MICAL2: variants seen among roughly 807,000 people sequenced by gnomAD.
MICAL2 encodes microtubule associated monooxygenase, calponin and LIM domain containing 2, also known as [F-actin]-monooxygenase MICAL2.
In MICAL2, 77 loss-of-function variants were observed where a neutral mutation model predicts 127.3. The observed-to-expected ratio is 0.60, with a 90% CI of 0.50 to 0.73. MICAL2 has a LOEUF of 0.73. MICAL2 is among the 30% of genes least tolerant of loss of function. MICAL2 has a pLI of 0.00. For missense variants in MICAL2, 1,351 were observed against 1,434.4 expected (o/e 0.94, Z 0.94); for synonymous variants, 570 against 551.1 (o/e 1.03, Z -0.48).
At chr11:12,320,818 GAAGA>G (rs1246533117) in intron 30 of MICAL2, among the ~76,000 whole-genome samples, 1 of 151,992 alleles carries the variant, frequency 6.6e-6, no homozygotes, top group Non-Finnish European at 1.5e-5. Flanking sequence ...GAGGAGAGAG[GAAGA>G]AAGAGGGAGG....
chr11:12,332,763 G>A (rs1051307408), intron 32 of MICAL2, among the ~76,000 whole-genome samples: 1 of 152,158 alleles, frequency 6.6e-6, no homozygotes, highest in Non-Finnish European at 1.5e-5. Flanking sequence ...AGCAGTAAAT[G>A]AGCCAATTCC....
Position 12,260,033 on chromosome 11 carries a change from T to C in MICAL2, c.3334+136T>C, listed in dbSNP as rs560031188. The C allele has an allele frequency of 3.2e-6, 5 of 1,544,836 alleles. No individual in the cohort carries two copies. The African/African-American group carries it at 6.8e-5, about 21-fold the overall frequency. ...GACAATGCTTACAACTACTGCTACATGTACGAGCTCCTGAGCCTGGGGCTG... is the reference window on the plus strand; with the variant it reads ...GACAATGCTTACAACTACTGCTACACGTACGAGCTCCTGAGCCTGGGGCTG... On this transcript the variant is annotated intron_variant, in intron 26 of 27. Transcript: ENST00000683283.
intron 3 of MICAL2, among the ~76,000 whole-genome samples, chr11:12,171,821 A>G (rs1424280853): frequency 6.6e-6 from 1 of 152,220 alleles, no homozygotes; most frequent in Admixed American, 6.5e-5. Flanking sequence ...ATAATGTTAA[A>G]CTTTCTATTA....
intron 5 of MICAL2, among the ~76,000 whole-genome samples, chr11:12,208,906 A>G (rs1855074087): frequency 6.6e-6 from 1 of 152,186 alleles, no homozygotes; most frequent in Non-Finnish European, 1.5e-5. Flanking sequence ...GGGAGGCTTT[A>G]GTTAGCTTTT....
At position 12,220,209 on chromosome 11, in the gene MICAL2, C is replaced by T. The variant is rs551175982; in HGVS notation, c.957C>T (p.Ile319=). ...GTTTTCATCTTCCCCAGGACTACAT[C>T]GACACAGAGATGCTGCTGTGTGCGG... The part of the protein sequence containing the change: ...LDKGVIINDY[I]DTEMLLCAEN... The change falls in exon 9 of 28, where the codon ATC becomes ATT. Residue 319 remains isoleucine, a synonymous_variant. Coordinates refer to ENST00000683283, the MANE Select transcript of MICAL2 (RefSeq NM_001282663.2). 1.5e-5 allele frequency: 24 copies of T among 1,614,024 alleles called. No homozygotes were observed. The highest frequency in any genetic ancestry group is 6.6e-5 in the South Asian group (6 of 91,082).
Position 12,131,299 on chromosome 11 carries a change from CAAAAAAAAAAA to C in MICAL2, c.-148-7076_-148-7066del, listed in dbSNP as rs60340716. ...TGGGCGACAGAGCGAGACTCCGTCT[CAAAAAAAAAAA>C]AAAAAAAAAAAAAAGATCCCAGTAG... On this transcript the variant is annotated intron_variant, in intron 1 of 27. Transcript: ENST00000683283. 4.4e-3 allele frequency among the ~76,000 whole-genome samples: 61 copies of C among 13,712 alleles called. 12 individuals carry two copies. Among genetic ancestry groups the C allele is most frequent in the African/African-American group, 9.3e-3 (58 of 6,270 alleles). The allele number at this position is 13,712 out of a possible 152,430, so 9.0% of individuals were successfully genotyped here.
intron 3 of MICAL2, among the ~76,000 whole-genome samples, chr11:12,176,291 A>G (rs1856832245): frequency 6.6e-6 from 1 of 152,160 alleles, no homozygotes; most frequent in South Asian, 2.1e-4. Context: ...CCCATGACTT[A>G]TTGTGTGATC....
At chr11:12,114,532 C>A (rs1390526732) in intron 1 of MICAL2, among the ~76,000 whole-genome samples, 1 of 152,186 alleles carries the variant, frequency 6.6e-6, no homozygotes, top group East Asian at 1.9e-4. Flanking sequence ...TGCCCATCTC[C>A]CCTACTACAT....
chr11:12,296,526 T>G (rs1423105210), downstream of MICAL2, among the ~76,000 whole-genome samples: 1 of 148,846 alleles, frequency 6.7e-6, no homozygotes, highest in Non-Finnish European at 1.5e-5. Flanking sequence ...CATTAAATTT[T>G]GTGATGTGTG....
At chr11:12,294,210 A>G, downstream of MICAL2, 2 of 1,614,098 alleles carry the variant, frequency 1.2e-6, no homozygotes, top group Non-Finnish European at 1.7e-6. Context: ...GCTCAAGGGG[A>G]GCGAAACGTG....
intron 27 of MICAL2, 140 bp downstream of exon 27, chr11:12,262,677 T>C: frequency 1.3e-6 from 1 of 749,914 alleles, no homozygotes; most frequent in Admixed American, 2.1e-5. Flanking sequence ...GGTGGCATGG[T>C]TGGCTAACAG....
chr11:12,332,575 C>T (rs1590741366), intron 32 of MICAL2, among the ~76,000 whole-genome samples: 1 of 143,228 alleles, frequency 7.0e-6, no homozygotes, highest in South Asian at 2.2e-4. Flanking sequence ...TACATCAGAG[C>T]AAGAGAGTTT....
At chr11:12,201,230 C>T (rs1405872880) in intron 3 of MICAL2, among the ~76,000 whole-genome samples, 2 of 151,986 alleles carry the variant, frequency 1.3e-5, no homozygotes, top group African/African-American at 2.4e-5. Flanking sequence ...GTGGTGACTT[C>T]ATTTCCCCTA....
chr11:12,158,193 A>T (rs906304039), intron 2 of MICAL2, among the ~76,000 whole-genome samples: 6 of 147,544 alleles, frequency 4.1e-5, no homozygotes, highest in African/African-American at 1.5e-4. Flanking sequence ...GACATATTCT[A>T]AAAAAAAAAG....
At chr11:12,111,926 A>G (rs1025801057) in intron 1 of MICAL2, among the ~76,000 whole-genome samples, 2 of 152,170 alleles carry the variant, frequency 1.3e-5, no homozygotes, top group African/African-American at 4.8e-5. Flanking sequence ...TGGAGACTCT[A>G]ATACCGTAAG....
intron 32 of MICAL2, among the ~76,000 whole-genome samples, chr11:12,347,334 G>A (rs557887027): frequency 7.9e-5 from 12 of 152,254 alleles, no homozygotes; most frequent in Admixed American, 5.2e-4. Flanking sequence ...AGCTCTTTGA[G>A]TCCCTGTGAT....
In MICAL2 at chr11:12,258,526, G is replaced by C; in HGVS notation, c.3201G>C (p.Lys1067Asn). ...IHCKTNSKQRKRRAELKQQRE... is the reference protein window; with the variant it reads ...IHCKTNSKQRNRRAELKQQRE... ...GTAAAACCAATAGCAAACAACGGAA[G>C]AGACGGGCAGAGTTGAAGCAACAAA... Residue 1067 changes from lysine to asparagine, a missense_variant, in exon 25 of 28, where the codon AAG becomes AAC. Physicochemically the swap from Lys to Asn is moderately conservative, Grantham distance 94. Coordinates refer to ENST00000683283, the MANE Select transcript of MICAL2 (RefSeq NM_001282663.2). The C allele has an allele frequency of 6.2e-7, 1 of 1,614,110 alleles. No individual in the cohort carries two copies. Among genetic ancestry groups the C allele is most frequent in the Non-Finnish European group, 8.5e-7 (1 of 1,180,018 alleles).
At chr11:12,294,822 C>T (rs750713801), downstream of MICAL2, 1 of 1,517,514 alleles carries the variant, frequency 6.6e-7, no homozygotes, top group Non-Finnish European at 8.8e-7. Flanking sequence ...CCTCCTCCTC[C>T]TCCTCCTCCT....
At chr11:12,233,616 C>A (rs1858611922) in intron 15 of MICAL2, among the ~76,000 whole-genome samples, 1 of 151,976 alleles carries the variant, frequency 6.6e-6, no homozygotes, top group South Asian at 2.1e-4. Context: ...AATAGGAAAA[C>A]CAATTAGTTT....
Sources: gnomAD v4.1 joint callset for allele counts (sites outside exome capture counted in the v4.1 genomes callset) on GRCh38, gnomAD v4.1.1 for gene constraint, MANE v1.5 for transcripts, NCBI Gene and HGNC (gene_info 2026-07-23, HGNC 2026-07-21) for gene names.